WWOX: variants seen among roughly 807,000 people sequenced by gnomAD.
WWOX encodes WW domain containing oxidoreductase.
Under a neutral mutation model 46.2 loss-of-function variants are expected in WWOX, and 69 were observed. That is an observed-to-expected ratio of 1.49 (90% CI 1.23 to 1.82). WWOX has a LOEUF of 1.82. Among genes scored for constraint, WWOX ranks in the 40% most tolerant of loss-of-function variants. The pLI, the probability that WWOX is intolerant of heterozygous loss-of-function variation, is 0.00. For synonymous variants in WWOX, 359 were observed against 202.6 expected (o/e 1.77, Z -6.56); for missense variants, 919 against 542.6 (o/e 1.69, Z -6.89).
chr16:78,980,231 A>T (rs1035956058), intron 8 of WWOX, among the ~76,000 whole-genome samples: 1 of 152,208 alleles, frequency 6.6e-6, no homozygotes, highest in African/African-American at 2.4e-5. Context: ...TCTAGTTTTT[A>T]AATCTTTGCT....
intron 8 of WWOX, among the ~76,000 whole-genome samples, chr16:79,019,614 G>A (rs16949238): frequency 0.19 from 28,732 of 151,728 alleles, 2,804 homozygotes; most frequent in East Asian, 0.29. Context: ...GGTATCCTGC[G>A]TATCTGTGAG....
rs771499867 is a variant in WWOX at position 78,422,774 on chromosome 16, CATATATATAT to C, written c.606-2094_606-2085del. On this transcript the variant is annotated intron_variant, in intron 6 of 8. Transcript: ENST00000566780. ...ACATATATACACATATATATACACA[CATATATATAT>C]ACACACACACATATATATACACACA... Among the ~76,000 whole-genome samples, 147 of 113,810 alleles carry C rather than the reference CATATATATAT, an allele frequency of 1.3e-3. 17 individuals are homozygous for C. The highest frequency in any genetic ancestry group is 7.1e-3 in the African/African-American group (139 of 19,442). 74.7% of individuals were successfully genotyped at this position (113,810 alleles called of 152,430 possible). A position where few individuals can be genotyped will look rare whatever the true frequency, so the allele number is the denominator to read the frequency against.
intron 8 of WWOX, among the ~76,000 whole-genome samples, chr16:79,161,013 A>C (rs767732531): frequency 1.3e-5 from 2 of 152,164 alleles, no homozygotes; most frequent in Non-Finnish European, 2.9e-5. Context: ...CTGGGATTAT[A>C]CTACAATTTC....
At chr16:78,763,030 C>T (rs547513186) in intron 8 of WWOX, among the ~76,000 whole-genome samples, 21 of 152,234 alleles carry the variant, frequency 1.4e-4, no homozygotes, top group African/African-American at 2.2e-4. Flanking sequence ...TAACTGAGTA[C>T]GACTCTGGGA....
intron 8 of WWOX, among the ~76,000 whole-genome samples, chr16:78,946,560 C>T (rs961718851): frequency 6.6e-6 from 1 of 152,080 alleles, no homozygotes; most frequent in African/African-American, 2.4e-5. Flanking sequence ...AGTCTTTCCG[C>T]TTATTTACAC....
At chr16:78,908,519 G>A (rs1039307457) in intron 8 of WWOX, among the ~76,000 whole-genome samples, 5 of 139,474 alleles carry the variant, frequency 3.6e-5, no homozygotes, top group African/African-American at 5.2e-5. Context: ...CAGCCTGGGC[G>A]ACAGACTGAA....
At chr16:79,087,938 A>G (rs4888923) in intron 8 of WWOX, among the ~76,000 whole-genome samples, 46,617 of 152,022 alleles carry the variant, frequency 0.31, 8,518 homozygotes, top group African/African-American at 0.51. Context: ...GGCAGGAGGC[A>G]TTCATGGGTC....
At chr16:78,370,356 A>G (rs1367634989) in intron 5 of WWOX, among the ~76,000 whole-genome samples, 2 of 152,190 alleles carry the variant, frequency 1.3e-5, no homozygotes, top group African/African-American at 2.4e-5. Context: ...AGAGTTCAGT[A>G]CATAGTAAGT....
At chr16:78,293,981 A>AAAAC (rs1478637050) in intron 5 of WWOX, among the ~76,000 whole-genome samples, 15 of 137,778 alleles carry the variant, frequency 1.1e-4, no homozygotes, top group South Asian at 2.9e-4. Context: ...TGTCTCAGAA[A>AAAAC]AAAAAAAAAA....
chr16:78,994,199 T>G (rs967848568), intron 8 of WWOX: 1 of 151,846 alleles, frequency 6.6e-6, no homozygotes, highest in African/African-American at 2.4e-5. Flanking sequence ...CTTATAGGCC[T>G]TCTTGTTTTG....
At chr16:78,777,513 T>C (rs1175071496) in intron 8 of WWOX, among the ~76,000 whole-genome samples, 2 of 152,204 alleles carry the variant, frequency 1.3e-5, no homozygotes. Flanking sequence ...CCGTGCCTGC[T>C]GCTAAGAGGC....
At chr16:79,027,755 A>G (rs1208492294) in intron 8 of WWOX, among the ~76,000 whole-genome samples, 2 of 151,454 alleles carry the variant, frequency 1.3e-5, no homozygotes, top group Non-Finnish European at 2.9e-5. Flanking sequence ...TTTGATTTAG[A>G]TGTCTTTTTT....
At chr16:79,175,131 C>T (rs970804892) in intron 8 of WWOX, among the ~76,000 whole-genome samples, 4 of 152,200 alleles carry the variant, frequency 2.6e-5, no homozygotes, top group Non-Finnish European at 5.9e-5. Flanking sequence ...CTGGGTCTAG[C>T]TATGACCCCA....
At chr16:78,108,341 A>C in intron 1 of WWOX, 82 bp from the exon 2 acceptor site, 1 of 1,407,912 alleles carries the variant, frequency 7.1e-7, no homozygotes, top group Non-Finnish European at 9.8e-7. Context: ...GCTATCTGGG[A>C]GAGAAAAAAT....
chr16:78,117,904 G>A (rs571455942), intron 4 of WWOX, among the ~76,000 whole-genome samples: 4 of 152,114 alleles, frequency 2.6e-5, no homozygotes, highest in Non-Finnish European at 4.4e-5. Context: ...TCTCTAAGGC[G>A]GGGTGGGCTG....
rs745681407 is a variant in WWOX, at chr16:78,424,972, C to G, written c.708C>G (p.His236Gln). 15 of 1,614,048 alleles carry G rather than the reference C, an allele frequency of 9.3e-6. No homozygotes were observed. The Admixed American group carries it at 1.5e-4, about 16-fold the overall frequency. Residue 236 changes from histidine to glutamine, a missense_variant, in exon 7 of 9, where the codon CAC becomes CAG. Transcript: ENST00000566780. ...CCTTTCAAGTGAATCATCTGGGGCA[C>G]TTCTACCTTGTCCAGCTCCTCCAGG... ...ETTFQVNHLG[H>Q]FYLVQLLQDV...
At chr16:78,768,924 G>T (rs1445809014) in intron 8 of WWOX, among the ~76,000 whole-genome samples, 1 of 152,092 alleles carries the variant, frequency 6.6e-6, no homozygotes, top group East Asian at 1.9e-4. Context: ...ATGGTGTAGG[G>T]GAGGAGGACG....
chr16:78,884,311 G>A (rs951718160), intron 8 of WWOX, among the ~76,000 whole-genome samples: 34 of 135,416 alleles, frequency 2.5e-4, no homozygotes, highest in Admixed American at 4.5e-4. Flanking sequence ...CCATTTTTAA[G>A]ACTATGACTG....
intron 8 of WWOX, among the ~76,000 whole-genome samples, chr16:78,997,786 G>T (rs1323391051): frequency 1.3e-5 from 2 of 152,154 alleles, no homozygotes; most frequent in African/African-American, 4.8e-5. Context: ...CCAAGTATGG[G>T]ATGGGGACCG....
Sources: allele counts gnomAD v4.1 joint callset (sites outside exome capture counted in the v4.1 genomes callset), GRCh38; gene constraint gnomAD v4.1.1; transcripts MANE v1.5; gene names NCBI Gene and HGNC (gene_info 2026-07-23, HGNC 2026-07-21).